Variants in POLA1 observed in about 807,000 individuals in gnomAD.
POLA1 encodes DNA polymerase alpha 1, catalytic subunit, also known as DNA polymerase alpha catalytic subunit.
POLA1 carries 15 observed loss-of-function variants against 124.0 expected under a neutral mutation model. The observed-to-expected ratio is 0.12, with a 90% CI of 0.08 to 0.19. The LOEUF (loss-of-function observed/expected upper bound fraction) is 0.19, where lower values mean the gene tolerates loss of function less well. Ranked by LOEUF, POLA1 falls within the 10% of genes least tolerant of loss-of-function variation. The pLI is 1.00. For missense variants in POLA1, 886 were observed against 1,103.4 expected (o/e 0.80, Z 2.79); for synonymous variants, 408 against 389.4 (o/e 1.05, Z -0.56).
chrX:24,752,759 G>C (rs1348190328), intron 26 of POLA1, among the ~76,000 whole-genome samples: 1 of 111,724 alleles, frequency 9.0e-6, no homozygotes, highest in African/African-American at 3.3e-5. Flanking sequence ...CCAAAGGATT[G>C]TAATACTCTA....
intron 34 of POLA1, among the ~76,000 whole-genome samples, chrX:24,873,869 C>A (rs768607820): frequency 9.0e-6 from 1 of 111,555 alleles, no homozygotes; most frequent in East Asian, 2.8e-4. Flanking sequence ...GTTAAAAATA[C>A]CACTAAACTA....
intron 26 of POLA1, among the ~76,000 whole-genome samples, chrX:24,753,662 G>A (rs1932442442): frequency 9.0e-6 from 1 of 111,720 alleles, no homozygotes; most frequent in Non-Finnish European, 1.9e-5. Context: ...GCTTTATTGG[G>A]GAATTTAAAA....
Position 24,717,604 on chromosome X carries a change from T to C in POLA1, c.933T>C (p.Ser311=). The C allele has an allele frequency of 1.7e-6, 2 of 1,210,172 alleles. No homozygotes were observed. The highest frequency in any genetic ancestry group is 3.5e-5 in the South Asian group (2 of 56,686). ...GAGGAAGTTTTCTCCCGGATGTCTC[T>C]TGTTGGGACATTGATCAAGAAGGTG... ...SYLGSFLPDV[S]CWDIDQEGDS... Residue 311 remains serine, a synonymous_variant, in exon 10 of 37, where the codon TCT becomes TCC. Transcript: ENST00000379068.
chrX:24,714,969 T>C (rs750989504), intron 5 of POLA1, among the ~76,000 whole-genome samples, 172 bp from the exon 6 acceptor site: 1 of 112,421 alleles, frequency 8.9e-6, no homozygotes, highest in Non-Finnish European at 1.9e-5. Flanking sequence ...AGGAATGCTA[T>C]ATACACAGGT....
intron 34 of POLA1, among the ~76,000 whole-genome samples, chrX:24,847,374 T>C (rs780733887): frequency 1.8e-5 from 2 of 112,394 alleles, no homozygotes; most frequent in Non-Finnish European, 3.8e-5. Flanking sequence ...TCAAATACGT[T>C]CCTAAATTTT....
chrX:24,921,749 A>G (rs2047618127), intron 35 of POLA1, among the ~76,000 whole-genome samples: 2 of 111,881 alleles, frequency 1.8e-5, no homozygotes, highest in African/African-American at 3.3e-5. Context: ...TTAAGTTTTC[A>G]TCCTGATGTT....
At chrX:24,895,172 AT>A (rs2047191790) in intron 35 of POLA1, among the ~76,000 whole-genome samples, 1 of 112,287 alleles carries the variant, frequency 8.9e-6, no homozygotes, top group Non-Finnish European at 1.9e-5. Context: ...ACAGGTAGGA[AT>A]TGCACTGAGC....
rs914376087 is a variant in POLA1, at chrX:24,913,846, A to G, written c.4165-16607A>G. On this transcript the variant is annotated intron_variant, in intron 35 of 36. Coordinates refer to ENST00000379068, the MANE Select transcript of POLA1 (RefSeq NM_001330360.2). ...AGTTCGAGACCAACGTGGCCAACAT[A>G]GCAAAACCCCATCTCTATTAAAAAT... Among the ~76,000 whole-genome samples, 4 of 109,808 alleles carry G rather than the reference A, an allele frequency of 3.6e-5. No homozygotes were observed. In the East Asian group the frequency reaches 8.6e-4, roughly 24 times the overall value.
chrX:24,814,693 C>G (rs1208063282), intron 29 of POLA1, among the ~76,000 whole-genome samples: 1 of 111,540 alleles, frequency 9.0e-6, no homozygotes, highest in African/African-American at 3.3e-5. Flanking sequence ...GGAACACATG[C>G]TTTTCTTCAC....
chrX:24,908,505 G>A (rs1478107749), intron 35 of POLA1, among the ~76,000 whole-genome samples: 3 of 106,468 alleles, frequency 2.8e-5, no homozygotes, highest in Non-Finnish European at 5.8e-5. Context: ...TTGTCCTTGC[G>A]ATAGTTTGCT....
rs779656123 is a variant in POLA1 at position 24,927,558 on chromosome X, C to T, written c.4165-2895C>T. 4.7e-4 allele frequency among the ~76,000 whole-genome samples: 52 copies of T among 111,699 alleles called. No homozygotes were observed. The East Asian group carries it at 9.0e-3, about 19-fold the overall frequency. On this transcript the variant is annotated intron_variant, in intron 35 of 36. Transcript: ENST00000379068. ...ACTTGAATGCAGAGCGTGATACATA[C>T]AGTAGCTATTTCAGCTCAGTATTGT...
At chrX:24,706,550 A>G (rs1306447908) in intron 4 of POLA1, among the ~76,000 whole-genome samples, 3 of 112,231 alleles carry the variant, frequency 2.7e-5, no homozygotes, top group African/African-American at 9.7e-5. Context: ...ATTGGTTGAA[A>G]TCCAACATCA....
chrX:24,913,680 C>G (rs12843237), intron 35 of POLA1, among the ~76,000 whole-genome samples: 1,760 of 105,797 alleles, frequency 0.017, 25 homozygotes, highest in Admixed American at 0.064. Context: ...TGCCATTGCA[C>G]TCCAGCCTGG....
chrX:24,984,190 A>G (rs1454295189), intron 36 of POLA1, among the ~76,000 whole-genome samples: 1 of 112,693 alleles, frequency 8.9e-6, no homozygotes, highest in Non-Finnish European at 1.9e-5. Context: ...TGGACTAAGC[A>G]TTAAAAAGTA....
intron 36 of POLA1, among the ~76,000 whole-genome samples, chrX:24,988,577 T>C (rs1275456921): frequency 8.9e-6 from 1 of 112,720 alleles, no homozygotes; most frequent in African/African-American, 3.2e-5. Flanking sequence ...CCAGTTCCTG[T>C]GGATATTGCA....
intron 15 of POLA1, among the ~76,000 whole-genome samples, chrX:24,730,076 C>T (rs775320154): frequency 2.1e-4 from 23 of 111,298 alleles, no homozygotes; most frequent in African/African-American, 7.2e-4. Context: ...GAATTACAGG[C>T]GTGAGCCACT....
chrX:24,975,774 TG>T (rs1365183218), intron 36 of POLA1, among the ~76,000 whole-genome samples: 1 of 112,573 alleles, frequency 8.9e-6, no homozygotes, highest in Non-Finnish European at 1.9e-5. Flanking sequence ...TGAAGCAGAA[TG>T]GGGAAAAAGT....
rs760474844 is a variant in POLA1 at position 24,816,153 on chromosome X, G to A, written c.3429+1042G>A. On this transcript the variant is annotated intron_variant, in intron 30 of 36. Coordinates refer to ENST00000379068, the MANE Select transcript of POLA1 (RefSeq NM_001330360.2). ...ACTTTCTTATTTTAGGTTCCTTGAAGGAAAATATTTGAGTCAAAAGATGTG... is the reference window on the plus strand; with the variant it reads ...ACTTTCTTATTTTAGGTTCCTTGAAAGAAAATATTTGAGTCAAAAGATGTG... Among the ~76,000 whole-genome samples the A allele has an allele frequency of 4.5e-5, 5 of 111,754 alleles. No individual in the cohort carries two copies. In the Admixed American group the frequency reaches 4.7e-4, roughly 11 times the overall value.
In POLA1 at chrX:24,854,123, G is replaced by A. The variant is rs765082838; in HGVS notation, c.4047+10446G>A. 4.5e-5 allele frequency among the ~76,000 whole-genome samples: 5 copies of A among 111,320 alleles called. No individual in the cohort carries two copies. In the South Asian group the frequency reaches 1.9e-3, roughly 43 times the overall value. ...TGCAGTGGCGCGATCTTGGCTCACT[G>A]CAACCTCTGCCTCCTGGGTTCAAGT... is the stretch of plus-strand genomic sequence containing the variant. On this transcript the variant is annotated intron_variant, in intron 34 of 36. Transcript: ENST00000379068.
Sources: allele counts gnomAD v4.1 joint callset (sites outside exome capture counted in the v4.1 genomes callset), GRCh38; gene constraint gnomAD v4.1.1; transcripts MANE v1.5; gene names NCBI Gene and HGNC (gene_info 2026-07-23, HGNC 2026-07-21).